Variants in ANK3 observed in about 807,000 individuals in gnomAD.
ANK3 encodes the protein ankyrin 3.
A neutral mutation model predicts 370.9 loss-of-function variants in ANK3; 57 were observed. That is an observed-to-expected ratio of 0.15 (90% CI 0.12 to 0.19). The LOEUF (loss-of-function observed/expected upper bound fraction) is 0.19. Among genes scored for constraint, ANK3 ranks in the 10% least tolerant of loss-of-function variants. The pLI is 1.00. For missense variants in ANK3, 4,439 were observed against 5,302.1 expected, an observed-to-expected ratio of 0.84 and a Z score of 5.06; for synonymous variants, 1,929 against 1,946.3, an observed-to-expected ratio of 0.99 and a Z score of 0.23.
At chr10:60,128,167 C>G (rs568985796) in intron 25 of ANK3, among the ~76,000 whole-genome samples, 1 of 152,164 alleles carries the variant, frequency 6.6e-6, no homozygotes, top group East Asian at 1.9e-4. Context: ...GTGGCCCAAC[C>G]AAGAATACTA....
chr10:60,677,538 A>G (rs1405809322), intron 1 of ANK3, among the ~76,000 whole-genome samples: 1 of 152,152 alleles, frequency 6.6e-6, no homozygotes, highest in Non-Finnish European at 1.5e-5. Flanking sequence ...TTCCTACTCT[A>G]ATAAGCAGTT....
At chr10:60,224,884 T>TCTTTC (rs1163262194) in intron 8 of ANK3, among the ~76,000 whole-genome samples, 2 of 151,594 alleles carry the variant, frequency 1.3e-5, no homozygotes, top group African/African-American at 4.8e-5. Flanking sequence ...ATAGCTAAGC[T>TCTTTC]CTTTTCTTTT....
At chr10:60,449,124 A>G (rs1189273617) in intron 2 of ANK3, among the ~76,000 whole-genome samples, 1 of 152,192 alleles carries the variant, frequency 6.6e-6, no homozygotes, top group Non-Finnish European at 1.5e-5. Flanking sequence ...TATAAATGCT[A>G]GTATAGTAAC....
chr10:60,566,700 T>C (rs1169796803), intron 2 of ANK3, among the ~76,000 whole-genome samples: 1 of 152,064 alleles, frequency 6.6e-6, no homozygotes, highest in Non-Finnish European at 1.5e-5. Flanking sequence ...TTGTGAGACC[T>C]CATCTCCACA....
intron 1 of ANK3, among the ~76,000 whole-genome samples, chr10:60,671,444 C>A (rs2079063359): frequency 6.6e-6 from 1 of 152,228 alleles, no homozygotes; most frequent in Non-Finnish European, 1.5e-5. Context: ...CCTGGTATCT[C>A]AATCTAAGTG....
intron 2 of ANK3, among the ~76,000 whole-genome samples, chr10:60,492,384 G>A (rs1285176635): frequency 6.6e-6 from 1 of 152,098 alleles, no homozygotes; most frequent in Non-Finnish European, 1.5e-5. Flanking sequence ...AAAAGTAAAT[G>A]AAACAGCATG....
intron 1 of ANK3, among the ~76,000 whole-genome samples, chr10:60,624,282 T>C (rs983635544): frequency 6.6e-6 from 1 of 152,174 alleles, no homozygotes; most frequent in Non-Finnish European, 1.5e-5. Flanking sequence ...ATGTAGGTGA[T>C]ATATTTAATA....
At chr10:60,106,577 T>C (rs2132088104) in intron 27 of ANK3, among the ~76,000 whole-genome samples, 1 of 151,996 alleles carries the variant, frequency 6.6e-6, no homozygotes, top group Non-Finnish European at 1.5e-5. Flanking sequence ...TCATGGCCTG[T>C]ACAGTTAAGA....
intron 2 of ANK3, 41 bp downstream of exon 2, chr10:60,279,497 T>C (rs1460789038): frequency 2.7e-6 from 4 of 1,507,812 alleles, no homozygotes; most frequent in Non-Finnish European, 3.6e-6. Flanking sequence ...TCTGGATTTT[T>C]AGAATTTTAA....
chr10:60,310,995 C>T (rs10821716), intron 1 of ANK3, among the ~76,000 whole-genome samples: 92,747 of 151,902 alleles, frequency 0.61, 28,574 homozygotes, highest in South Asian at 0.79. Flanking sequence ...CTTTAATCTC[C>T]CTCAGGCAAA....
At chr10:60,693,799 A>T (rs547229848) in intron 1 of ANK3, among the ~76,000 whole-genome samples, 83 of 152,334 alleles carry the variant, frequency 5.4e-4, no homozygotes, top group Middle Eastern at 6.8e-3. Context: ...AAAGATGGGG[A>T]AAAACAGAGC....
intron 1 of ANK3, among the ~76,000 whole-genome samples, chr10:60,680,735 T>C (rs991659299): frequency 3.0e-4 from 46 of 152,222 alleles, no homozygotes; most frequent in African/African-American, 1.1e-3. Context: ...TCTTCCCCGT[T>C]GATAAGACAG....
intron 1 of ANK3, among the ~76,000 whole-genome samples, chr10:60,301,123 GATATATAT>G (rs34302629): frequency 7.4e-6 from 1 of 135,218 alleles, no homozygotes; most frequent in African/African-American, 2.8e-5. Flanking sequence ...GAATACTTCC[GATATATAT>G]ATATATATAT....
At chr10:60,505,418 T>C (rs2075912150) in intron 2 of ANK3, among the ~76,000 whole-genome samples, 1 of 152,126 alleles carries the variant, frequency 6.6e-6, no homozygotes, top group South Asian at 2.1e-4. Context: ...CATTAATCTT[T>C]TATTTCATCT....
At chr10:60,246,205 G>A (rs2097548853) in intron 7 of ANK3, among the ~76,000 whole-genome samples, 1 of 141,708 alleles carries the variant, frequency 7.1e-6, no homozygotes. Flanking sequence ...GCAGTGAGCT[G>A]AGATTGTGCC....
At chr10:60,580,612 C>G (rs1246330683) in intron 2 of ANK3, among the ~76,000 whole-genome samples, 2 of 152,174 alleles carry the variant, frequency 1.3e-5, no homozygotes, top group Non-Finnish European at 2.9e-5. Context: ...ATTAAGAAAT[C>G]TCTCCAAATA....
intron 1 of ANK3, among the ~76,000 whole-genome samples, chr10:60,674,252 T>G (rs2079097454): frequency 6.6e-6 from 1 of 152,206 alleles, no homozygotes; most frequent in South Asian, 2.1e-4. Context: ...CTATTTTCAT[T>G]GCATAAAGGA....
At chr10:60,397,528 G>A (rs571150439) in intron 2 of ANK3, among the ~76,000 whole-genome samples, 9 of 152,196 alleles carry the variant, frequency 5.9e-5, no homozygotes, top group Admixed American at 2.6e-4. Flanking sequence ...ACATTAACAC[G>A]CAAACACAGG....
chr10:60,069,481 A>T lies in ANK3; in HGVS notation c.11400T>A (p.Asp3800Glu). ...TCAGAACTATATTACTCATAATGTT[A>T]TCTGTCTGTATAGTGGAAGAATCCA... is the stretch of plus-strand genomic sequence containing the variant. Reference protein sequence around the residue: ...NNLDSSTIQTDNIMSNIVLTE... With the variant: ...NNLDSSTIQTENIMSNIVLTE... The change falls in exon 37 of 44, where the codon GAT becomes GAA. Residue 3800 changes from aspartate to glutamate, a missense_variant. By Grantham distance (45) the Asp-to-Glu change is conservative. Transcript: ENST00000280772. 5.6e-6 allele frequency: 9 copies of T among 1,613,894 alleles called. No individual in the cohort carries two copies. The highest frequency in any genetic ancestry group is 7.6e-6 in the Non-Finnish European group (9 of 1,179,832).
Sources: allele counts gnomAD v4.1 joint callset (sites outside exome capture counted in the v4.1 genomes callset), GRCh38; gene constraint gnomAD v4.1.1; transcripts MANE v1.5; gene names NCBI Gene and HGNC (gene_info 2026-07-23, HGNC 2026-07-21).